The following PALS2 variants were observed in gnomAD, a reference collection of about 807,000 sequenced individuals.
PALS2 encodes protein PALS2.
In PALS2, 27 loss-of-function variants were observed where a neutral mutation model predicts 61.6. The observed-to-expected ratio is 0.44, with a 90% confidence interval of 0.32 to 0.60. The LOEUF (loss-of-function observed/expected upper bound fraction) is 0.60. PALS2 is among the 20% of genes least tolerant of loss of function. The pLI is 0.05. For missense variants in PALS2, 554 were observed against 639.4 expected, an observed-to-expected ratio of 0.87 and a Z score of 1.44; for synonymous variants, 236 against 218.6, an observed-to-expected ratio of 1.08 and a Z score of -0.70.
At position 24,650,551 on chromosome 7, in the gene PALS2, G is replaced by C. The variant is rs1786086139; in HGVS notation, c.490G>C (p.Asp164His). 6.2e-7 allele frequency: 1 copy of C among 1,613,592 alleles called. No individual in the cohort carries two copies. Among genetic ancestry groups the C allele is most frequent in the Non-Finnish European group, 8.5e-7 (1 of 1,179,744 alleles). Reference sequence around the variant, plus strand: ...CCGAATCCTCCATGGGGGAATGATAGATCGACAAGGTCTACTTCATGTGGG... The same window carrying C: ...CCGAATCCTCCATGGGGGAATGATACATCGACAAGGTCTACTTCATGTGGG... Reference protein sequence around the residue: ...IARILHGGMIDRQGLLHVGDI... With the variant: ...IARILHGGMIHRQGLLHVGDI... The change falls in exon 5 of 12, where the codon GAT (aspartate) becomes CAT (histidine). Residue 164 changes from aspartate (D) to histidine (H), a missense_variant. Asp to His is a moderately conservative substitution (Grantham distance 81). Coordinates refer to ENST00000222644, the MANE Select transcript of PALS2 (RefSeq NM_001303037.2).
intron 8 of PALS2, among the ~76,000 whole-genome samples, chr7:24,667,566 T>C (rs750375120): frequency 1.2e-4 from 18 of 152,084 alleles, no homozygotes; most frequent in South Asian, 6.2e-4. Flanking sequence ...TATTAAAGGA[T>C]TTTTACTGGC....
intron 4 of PALS2, among the ~76,000 whole-genome samples, chr7:24,650,253 C>T (rs117326664): frequency 6.6e-6 from 1 of 152,242 alleles, no homozygotes; most frequent in East Asian, 1.9e-4. Flanking sequence ...ATACCTTTTC[C>T]TGCTCTCTCG....
In PALS2 at chr7:24,618,082, C is replaced by CA. The variant is rs1784357258; in HGVS notation, c.-2-5582dup. Reference sequence around the variant, plus strand: ...TGTAGGTGCCAATGTGGAGCCAGTTCAAGGACATCTTCACCAGAGGCTAGC... The same window carrying CA: ...TGTAGGTGCCAATGTGGAGCCAGTTCAAAGGACATCTTCACCAGAGGCTAGC... On this transcript the variant is annotated intron_variant, in intron 1 of 11. Coordinates refer to ENST00000222644, the MANE Select transcript of PALS2 (RefSeq NM_001303037.2). The surrounding 1 kb of genome is among the most constrained non-coding windows in gnomAD (Gnocchi z 5.1). Among the ~76,000 whole-genome samples the CA allele has an allele frequency of 6.6e-6, 1 of 152,086 alleles. No individual in the cohort carries two copies. Among genetic ancestry groups the CA allele is most frequent in the South Asian group, 2.1e-4 (1 of 4,820 alleles).
chr7:24,575,006 GT>G (rs1310486519), intron 1 of PALS2, among the ~76,000 whole-genome samples: 2 of 152,248 alleles, frequency 1.3e-5, no homozygotes, highest in Admixed American at 1.3e-4. Flanking sequence ...ACTTTTGTGG[GT>G]TGTGTCATTT....
At chr7:24,682,940 G>T (rs1433797333) in intron 11 of PALS2, among the ~76,000 whole-genome samples, 3 of 152,102 alleles carry the variant, frequency 2.0e-5, no homozygotes, top group African/African-American at 7.2e-5. Context: ...CACAGATTCA[G>T]GTTATTCAGG....
At position 24,665,647 on chromosome 7, in the gene PALS2, G is replaced by A; in HGVS notation, c.843G>A (p.Glu281=). 1.2e-6 allele frequency: 2 copies of A among 1,613,824 alleles called. No homozygotes were observed. The highest frequency in any genetic ancestry group is 8.5e-7 in the Non-Finnish European group (1 of 1,179,742). The change falls in exon 7 of 12, where the codon GAG becomes GAA. Residue 281 remains glutamate (E), a synonymous_variant. Coordinates refer to ENST00000222644, the MANE Select transcript of PALS2 (RefSeq NM_001303037.2). ...AGLIPSQFLE[E]KRKAFVRRDW... is the part of the protein sequence containing the mutation. Reference sequence around the variant, plus strand: ...TCATTCCAAGCCAGTTCCTGGAAGAGAAGAGAAAGGCATTTGTTAGAAGAG... The same window carrying A: ...TCATTCCAAGCCAGTTCCTGGAAGAAAAGAGAAAGGCATTTGTTAGAAGAG...
chr7:24,583,278 G>A (rs1782920074), intron 1 of PALS2, among the ~76,000 whole-genome samples: 1 of 151,950 alleles, frequency 6.6e-6, no homozygotes, highest in Non-Finnish European at 1.5e-5. Context: ...AAAAAAAAAT[G>A]TAAGCCCTAT....
intron 11 of PALS2, among the ~76,000 whole-genome samples, chr7:24,682,100 G>T (rs1276018376): frequency 2.6e-5 from 4 of 151,950 alleles, no homozygotes; most frequent in Admixed American, 6.6e-5. Context: ...GAAATAGTTT[G>T]TTTTTTTCAG....
intron 1 of PALS2, among the ~76,000 whole-genome samples, chr7:24,587,288 G>C (rs1783105540): frequency 6.6e-6 from 1 of 152,084 alleles, no homozygotes. Flanking sequence ...GGAGGGGAAA[G>C]AGCAGAGGAA....
intron 1 of PALS2, among the ~76,000 whole-genome samples, chr7:24,595,761 G>A (rs1320421299): frequency 6.6e-6 from 1 of 150,834 alleles, no homozygotes; most frequent in Non-Finnish European, 1.5e-5. Context: ...TGTATGTAAG[G>A]GTGGTAGCGT....
Position 24,650,582 on chromosome 7 carries a change from T to A in PALS2, c.521T>A (p.Ile174Lys), listed in dbSNP as rs1289934881. Residue 174 changes from isoleucine to lysine, a missense_variant, in exon 5 of 12, where the codon ATA (isoleucine) becomes AAA (lysine). By Grantham distance (102) the Ile-to-Lys change is moderately radical. Transcript: ENST00000222644. ...CAAGGTCTACTTCATGTGGGAGATATAATTAAAGAAGTCAATGGCCATGAG... is the reference window on the plus strand; with the variant it reads ...CAAGGTCTACTTCATGTGGGAGATAAAATTAAAGAAGTCAATGGCCATGAG... The part of the protein sequence containing the change: ...DRQGLLHVGD[I>K]IKEVNGHEVG... 2 of 1,613,124 alleles carry A rather than the reference T, an allele frequency of 1.2e-6. No individual in the cohort carries two copies. Among genetic ancestry groups the A allele is most frequent in the Admixed American group, 1.7e-5 (1 of 59,978 alleles).
chr7:24,614,347 A>G (rs958436009), intron 1 of PALS2, among the ~76,000 whole-genome samples: 3 of 151,274 alleles, frequency 2.0e-5, no homozygotes, highest in African/African-American at 7.3e-5. Flanking sequence ...ATTTTTGTGT[A>G]TTTGTGTTCT....
At chr7:24,625,328 T>C (rs1784695589) in intron 2 of PALS2, among the ~76,000 whole-genome samples, 1 of 152,236 alleles carries the variant, frequency 6.6e-6, no homozygotes, top group Admixed American at 6.5e-5. Context: ...TAGCTTTTGA[T>C]CTATAGATTT....
chr7:24,669,749 C>A (rs1450355739), intron 9 of PALS2, among the ~76,000 whole-genome samples: 1 of 152,102 alleles, frequency 6.6e-6, no homozygotes, highest in Admixed American at 6.6e-5. Flanking sequence ...CTTGTCATTG[C>A]CCCCCTGTGC....
chr7:24,578,725 T>G (rs1782730790), intron 1 of PALS2, among the ~76,000 whole-genome samples: 1 of 152,212 alleles, frequency 6.6e-6, no homozygotes, highest in Non-Finnish European at 1.5e-5. Flanking sequence ...ATCTCATTAT[T>G]AGAACTTGGT....
At chr7:24,653,075 C>T (rs2128080092) in intron 5 of PALS2, among the ~76,000 whole-genome samples, 1 of 152,222 alleles carries the variant, frequency 6.6e-6, no homozygotes, top group South Asian at 2.1e-4. Flanking sequence ...ACCAACATGA[C>T]CTGGACAACT....
chr7:24,681,525 ATT>A (rs780176633), intron 11 of PALS2, among the ~76,000 whole-genome samples: 68 of 138,466 alleles, frequency 4.9e-4, no homozygotes, highest in Non-Finnish European at 4.7e-4. Context: ...TTTCTCCAAG[ATT>A]TTTTTTTTTT....
At chr7:24,614,596 G>A (rs77743107) in intron 1 of PALS2, among the ~76,000 whole-genome samples, 9,588 of 151,896 alleles carry the variant, frequency 0.063, 352 homozygotes, top group African/African-American at 0.093. Context: ...ATAAAAGGAA[G>A]TATTATTACA....
intron 1 of PALS2, among the ~76,000 whole-genome samples, chr7:24,587,924 A>G (rs772268850): frequency 3.3e-5 from 5 of 152,198 alleles, no homozygotes; most frequent in African/African-American, 7.2e-5. Flanking sequence ...AGTTTGATCT[A>G]TTTGTTATTT....
Sources: allele counts gnomAD v4.1 joint callset (sites outside exome capture counted in the v4.1 genomes callset), GRCh38; gene constraint gnomAD v4.1.1; non-coding constraint Gnocchi (gnomAD v3.1); transcripts MANE v1.5; gene names NCBI Gene and HGNC (gene_info 2026-07-23, HGNC 2026-07-21).